The following DLG1 variants were observed in gnomAD, a reference collection of about 807,000 sequenced individuals.
DLG1 encodes disks large homolog 1.
DLG1 carries 42 observed loss-of-function variants against 123.4 expected under a neutral mutation model. That is an observed-to-expected ratio of 0.34 (90% confidence interval 0.27 to 0.44). DLG1 has a LOEUF of 0.44. Ranked by LOEUF, DLG1 falls within the 20% of genes least tolerant of loss-of-function variation. The pLI, the probability that DLG1 is intolerant of heterozygous loss-of-function variation, is 1.00. For synonymous variants in DLG1, 317 were observed against 356.2 expected, an observed-to-expected ratio of 0.89 and a Z score of 1.24; for missense variants, 942 against 1,082.6, an observed-to-expected ratio of 0.87 and a Z score of 1.82.
chr3:197,262,087 G>A (rs1017726530), intron 4 of DLG1, among the ~76,000 whole-genome samples: 3 of 152,298 alleles, frequency 2.0e-5, no homozygotes, highest in African/African-American at 7.2e-5. Flanking sequence ...TTCATGACAA[G>A]CCCTTTGGAT....
chr3:197,120,752 G>T (rs1388502777), intron 11 of DLG1, among the ~76,000 whole-genome samples: 2 of 152,178 alleles, frequency 1.3e-5, no homozygotes, highest in South Asian at 2.1e-4. Flanking sequence ...TGAAACGATA[G>T]TATTTTAGAG....
At chr3:197,145,051 T>TCACACA (rs776756471) in intron 6 of DLG1, among the ~76,000 whole-genome samples, 34 of 143,134 alleles carry the variant, frequency 2.4e-4, no homozygotes, top group African/African-American at 5.1e-5. Context: ...TCTCTCTCTC[T>TCACACA]CTCTCACACA....
intron 4 of DLG1, among the ~76,000 whole-genome samples, chr3:197,212,357 C>T (rs1035415539): frequency 3.5e-5 from 4 of 115,864 alleles, no homozygotes; most frequent in African/African-American, 1.0e-4. Context: ...GGAAGGCAGG[C>T]AAAAGAAAGT....
At chr3:197,164,195 G>A (rs1451560705) in intron 5 of DLG1, among the ~76,000 whole-genome samples, 1 of 151,742 alleles carries the variant, frequency 6.6e-6, no homozygotes, top group East Asian at 1.9e-4. Context: ...TTCAAGACCA[G>A]CCTGGCCAAC....
At chr3:197,154,836 G>T (rs1341869166) in intron 5 of DLG1, among the ~76,000 whole-genome samples, 1 of 152,070 alleles carries the variant, frequency 6.6e-6, no homozygotes, top group East Asian at 1.9e-4. Context: ...ATCTGAGCAG[G>T]TAAAAAAAGT....
chr3:197,182,066 C>T (rs769368975), intron 5 of DLG1, among the ~76,000 whole-genome samples: 4 of 152,094 alleles, frequency 2.6e-5, no homozygotes, highest in African/African-American at 7.2e-5. Flanking sequence ...AACCGAGTGA[C>T]AGATATATCA....
chr3:197,111,869 T>C (rs1770232004), intron 13 of DLG1, among the ~76,000 whole-genome samples: 1 of 152,240 alleles, frequency 6.6e-6, no homozygotes, highest in East Asian at 1.9e-4. Flanking sequence ...TATTATATTG[T>C]GTAAACATAC....
intron 13 of DLG1, among the ~76,000 whole-genome samples, chr3:197,111,265 T>C (rs977203727): frequency 2.6e-5 from 4 of 152,196 alleles, no homozygotes; most frequent in Non-Finnish European, 5.9e-5. Flanking sequence ...GGGCATTCAG[T>C]TCTAAAACCA....
chr3:197,167,241 T>C (rs1577383945), intron 5 of DLG1, among the ~76,000 whole-genome samples: 1 of 152,174 alleles, frequency 6.6e-6, no homozygotes, highest in Non-Finnish European at 1.5e-5. Flanking sequence ...AAAAATGTAA[T>C]GATGGAATTA....
intron 15 of DLG1, among the ~76,000 whole-genome samples, chr3:197,088,864 C>T (rs1755992213): frequency 6.6e-6 from 1 of 152,166 alleles, no homozygotes; most frequent in African/African-American, 2.4e-5. Context: ...GGAGGCAGCT[C>T]ATAGGGTACC....
intron 8 of DLG1, among the ~76,000 whole-genome samples, chr3:197,139,706 G>A (rs953316047): frequency 3.9e-5 from 6 of 152,042 alleles, no homozygotes; most frequent in African/African-American, 7.2e-5. Flanking sequence ...TCTATCCTCC[G>A]TATCTTAAAT....
At chr3:197,093,824 A>G (rs1759133942) in intron 14 of DLG1, among the ~76,000 whole-genome samples, 1 of 152,162 alleles carries the variant, frequency 6.6e-6, no homozygotes, top group Non-Finnish European at 1.5e-5. Flanking sequence ...TGCATCCCAC[A>G]TGCTCTTGTA....
At chr3:197,130,485 G>A (rs1221453939) in intron 11 of DLG1, 42 bp downstream of exon 11, 1 of 1,502,860 alleles carries the variant, frequency 6.7e-7, no homozygotes, top group African/African-American at 1.4e-5. Flanking sequence ...CACAACTGAA[G>A]AAGTAAGATA....
chr3:197,211,862 T>A (rs572947393), intron 4 of DLG1, among the ~76,000 whole-genome samples: 2 of 146,408 alleles, frequency 1.4e-5, no homozygotes, highest in East Asian at 3.9e-4. Flanking sequence ...AATGACAGAC[T>A]GGCTAAAAAA....
chr3:197,186,986 A>G (rs1022195612), intron 5 of DLG1, among the ~76,000 whole-genome samples: 3 of 152,270 alleles, frequency 2.0e-5, no homozygotes, highest in African/African-American at 7.2e-5. Context: ...AAGCTAATGT[A>G]ACGTAAATGC....
chr3:197,212,284 A>T (rs1179900141), intron 4 of DLG1, among the ~76,000 whole-genome samples: 1 of 147,646 alleles, frequency 6.8e-6, no homozygotes, highest in African/African-American at 2.4e-5. Context: ...ATTAAGATGG[A>T]GGAAAGGATG....
chr3:197,248,085 G>A (rs180961343), intron 4 of DLG1, among the ~76,000 whole-genome samples: 33 of 152,240 alleles, frequency 2.2e-4, no homozygotes, highest in Non-Finnish European at 3.8e-4. Flanking sequence ...TACACTTAAT[G>A]TGCCTGAATC....
At chr3:197,049,974 T>C (rs1000106497) in intron 24 of DLG1, among the ~76,000 whole-genome samples, 2 of 151,400 alleles carry the variant, frequency 1.3e-5, no homozygotes, top group Non-Finnish European at 2.9e-5. Flanking sequence ...AGAGAGAGAA[T>C]TGCTTGAGCC....
At chr3:197,266,175 T>C (rs1237236288) in intron 4 of DLG1, among the ~76,000 whole-genome samples, 2 of 151,936 alleles carry the variant, frequency 1.3e-5, no homozygotes, top group Admixed American at 6.6e-5. Context: ...AAAGGTAAAA[T>C]TCACAACGTC....
Sources: allele counts gnomAD v4.1 joint callset (sites outside exome capture counted in the v4.1 genomes callset), GRCh38; gene constraint gnomAD v4.1.1; transcripts MANE v1.5; gene names NCBI Gene and HGNC (gene_info 2026-07-23, HGNC 2026-07-21).